The following CRY1 variants were observed in gnomAD, a reference collection of about 807,000 sequenced individuals.
The protein encoded by CRY1 is cryptochrome-1.
In CRY1, 45 loss-of-function variants were observed where a neutral mutation model predicts 76.0. The observed-to-expected ratio is 0.59, with a 90% CI of 0.47 to 0.76. The LOEUF (loss-of-function observed/expected upper bound fraction) is 0.76. Among genes scored for constraint, CRY1 ranks in the 30% least tolerant of loss-of-function variants. CRY1 has a pLI of 0.00. For synonymous variants in CRY1, 248 were observed against 244.0 expected (o/e 1.02, Z -0.15); for missense variants, 587 against 716.4 (o/e 0.82, Z 2.06).
intron 1 of CRY1, among the ~76,000 whole-genome samples, chr12:107,085,415 A>G (rs1356756748): frequency 6.6e-6 from 1 of 152,212 alleles, no homozygotes; most frequent in African/African-American, 2.4e-5. Flanking sequence ...AACCAACCCA[A>G]ATGCCCATCA....
intron 1 of CRY1, among the ~76,000 whole-genome samples, chr12:107,061,562 A>G (rs968387514): frequency 6.6e-6 from 1 of 151,790 alleles, no homozygotes; most frequent in African/African-American, 2.4e-5. Flanking sequence ...TTGTCTTTTT[A>G]GTAGAGATGG....
Position 107,087,113 on chromosome 12 carries a change from A to G in CRY1, c.158+5691T>C, listed in dbSNP as rs181987207. 2.6e-5 allele frequency among the ~76,000 whole-genome samples: 4 copies of G among 152,372 alleles called. No homozygotes were observed. The East Asian group carries it at 7.7e-4, about 29-fold the overall frequency. ...AAAGTATCCTTTGGATGTAAACAGC[A>G]TACACCCTCAGCCTGGAAAAGTGAC... On this transcript the variant is annotated intron_variant, in intron 1 of 12. Coordinates refer to ENST00000008527, the MANE Select transcript of CRY1 (RefSeq NM_004075.5).
chr12:107,071,384 TTAATA>T (rs1261686565), intron 1 of CRY1, among the ~76,000 whole-genome samples: 30 of 152,346 alleles, frequency 2.0e-4, no homozygotes, highest in African/African-American at 6.7e-4. Context: ...TAATGACATA[TTAATA>T]TATTTCCAAT....
chr12:107,001,958 G>C lies in CRY1; in HGVS notation c.411-10C>G. 6.4e-7 allele frequency: 1 copy of C among 1,560,524 alleles called. No homozygotes were observed. The highest frequency in any genetic ancestry group is 2.2e-5 in the Admixed American group (1 of 45,618). ...ATTGAGTTCTATGATCCTATAACAA[G>C]AGTTAGTAAAATGTAGTTAGTATTA... is the stretch of plus-strand genomic sequence containing the variant. On this transcript the variant is annotated splice_polypyrimidine_tract_variant and intron_variant, in intron 3 of 12. Coordinates refer to ENST00000008527, the MANE Select transcript of CRY1 (RefSeq NM_004075.5).
chr12:107,067,903 G>A (rs1277499161), intron 1 of CRY1, among the ~76,000 whole-genome samples: 1 of 152,154 alleles, frequency 6.6e-6, no homozygotes, highest in African/African-American at 2.4e-5. Flanking sequence ...AAGAACAAGA[G>A]CTTCAGTAGA....
rs187323499 is a variant in CRY1 at position 107,048,982 on chromosome 12, A to C, written c.159-26790T>G. ...AGACATTATATTTAAAAAGCTATAG[A>C]TATCCTCCTTTAGAGAACCTTAACA... On this transcript the variant is annotated intron_variant, in intron 1 of 12. Coordinates refer to ENST00000008527, the MANE Select transcript of CRY1 (RefSeq NM_004075.5). 5.8e-4 allele frequency among the ~76,000 whole-genome samples: 88 copies of C among 152,290 alleles called. No homozygotes were observed. The East Asian group carries it at 0.014, about 24-fold the overall frequency.
intron 2 of CRY1, among the ~76,000 whole-genome samples, chr12:107,009,293 C>A (rs1458206734): frequency 2.6e-5 from 4 of 151,774 alleles, no homozygotes; most frequent in Admixed American, 2.6e-4. Flanking sequence ...CCAGTGAGCT[C>A]TTTGGGAGGC....
chr12:107,056,281 C>A (rs1381015473), intron 1 of CRY1, among the ~76,000 whole-genome samples: 1 of 152,188 alleles, frequency 6.6e-6, no homozygotes, highest in African/African-American at 2.4e-5. Flanking sequence ...GTGAGGTTGC[C>A]TTGGCACTCA....
chr12:107,066,562 C>T (rs974534212), intron 1 of CRY1, among the ~76,000 whole-genome samples: 6 of 151,322 alleles, frequency 4.0e-5, no homozygotes, highest in Non-Finnish European at 5.9e-5. Context: ...TCCAAGTGAT[C>T]CCCCTGCCTC....
chr12:107,083,598 T>TA (rs776932189), intron 1 of CRY1, among the ~76,000 whole-genome samples: 29 of 152,108 alleles, frequency 1.9e-4, no homozygotes, highest in Non-Finnish European at 3.5e-4. Context: ...AACCACACAA[T>TA]TATCTCAATA....
chr12:107,019,777 C>G (rs868810627), intron 2 of CRY1, among the ~76,000 whole-genome samples: 8 of 152,016 alleles, frequency 5.3e-5, no homozygotes, highest in African/African-American at 7.2e-5. Context: ...AAAAATTAGC[C>G]AAGTATGGTG....
chr12:107,075,119 C>G (rs1330350267), intron 1 of CRY1, among the ~76,000 whole-genome samples: 2 of 152,096 alleles, frequency 1.3e-5, no homozygotes. Context: ...GCAAAGCATA[C>G]AGAGGCCATG....
intron 12 of CRY1, chr12:106,992,231 A>T (rs1952187715): frequency 6.6e-6 from 1 of 152,186 alleles, no homozygotes; most frequent in Admixed American, 6.5e-5. Flanking sequence ...TATTAATTTA[A>T]ATCACAAAAT....
rs181180305 is a variant in CRY1 at position 107,087,837 on chromosome 12, C to T, written c.158+4967G>A. On this transcript the variant is annotated intron_variant, in intron 1 of 12. Coordinates refer to ENST00000008527, the MANE Select transcript of CRY1 (RefSeq NM_004075.5). ...CTGAGGCAGGAGAATTGCTTTAGCCCGGGAGTATGAGACAGCTTAGTGAGA... is the reference window on the plus strand; with the variant it reads ...CTGAGGCAGGAGAATTGCTTTAGCCTGGGAGTATGAGACAGCTTAGTGAGA... 9.8e-4 allele frequency among the ~76,000 whole-genome samples: 149 copies of T among 151,924 alleles called. 1 individual carries two copies. Among genetic ancestry groups the T allele is most frequent in the African/African-American group, 3.2e-3 (134 of 41,420 alleles).
chr12:106,994,166 G>A (rs975787836), intron 10 of CRY1, among the ~76,000 whole-genome samples: 5 of 152,156 alleles, frequency 3.3e-5, no homozygotes, highest in African/African-American at 1.2e-4. Context: ...GGCATAAAAG[G>A]ATATGCTTTA....
chr12:107,051,841 C>T (rs1952925561), intron 1 of CRY1, among the ~76,000 whole-genome samples: 1 of 152,016 alleles, frequency 6.6e-6, no homozygotes, highest in African/African-American at 2.4e-5. Context: ...TTTTAAAGAA[C>T]ACTATATTGT....
At position 107,006,638 on chromosome 12, in the gene CRY1, C is replaced by CGTTTTTTTTTTT; in HGVS notation, c.268-1391_268-1390insAAAAAAAAAAAC. Among the ~76,000 whole-genome samples the CGTTTTTTTTTTT allele has an allele frequency of 1.5e-5, 2 of 137,108 alleles. 1 individual carries two copies. The highest frequency in any genetic ancestry group is 3.1e-5 in the Non-Finnish European group (2 of 65,238). 89.9% of individuals were successfully genotyped at this position (137,108 alleles called of 152,430 possible). On this transcript the variant is annotated intron_variant, in intron 2 of 12. Coordinates refer to ENST00000008527, the MANE Select transcript of CRY1 (RefSeq NM_004075.5). ...CTTGCCAATAATATGTATTAGTAAT[C>CGTTTTTTTTTTT]TTTTTTTTTTTTTTTTTTAGATGAC...
At chr12:107,030,947 G>A (rs1253934325) in intron 1 of CRY1, among the ~76,000 whole-genome samples, 1 of 151,906 alleles carries the variant, frequency 6.6e-6, no homozygotes, top group Non-Finnish European at 1.5e-5. Context: ...GGGTACCTGG[G>A]GACTGTAAGT....
At chr12:107,069,656 GTATATATAAAGTATA>G (rs1475039938) in intron 1 of CRY1, among the ~76,000 whole-genome samples, 2 of 96,254 alleles carry the variant, frequency 2.1e-5, no homozygotes, top group African/African-American at 4.2e-5. Flanking sequence ...AGTATATAAA[GTATATATAAAGTATA>G]TATATATAAA....
Sources: gnomAD v4.1 joint callset for allele counts (sites outside exome capture counted in the v4.1 genomes callset) on GRCh38, gnomAD v4.1.1 for gene constraint, MANE v1.5 for transcripts, NCBI Gene and HGNC (gene_info 2026-07-23, HGNC 2026-07-21) for gene names.